The following TRMT11 variants were observed in gnomAD, a reference collection of about 807,000 sequenced individuals.
TRMT11 encodes the protein tRNA (guanine(10)-N(2))-methyltransferase TRMT11.
In TRMT11, 53 loss-of-function variants were observed where a neutral mutation model predicts 62.8. The observed-to-expected ratio is 0.84, with a 90% CI of 0.68 to 1.06. The LOEUF (loss-of-function observed/expected upper bound fraction) is 1.06, where lower values mean the gene tolerates loss of function less well. Among genes scored for constraint, TRMT11 ranks in the 50% least tolerant of loss-of-function variants. The pLI is 0.00. For missense variants in TRMT11, 556 were observed against 553.4 expected, an observed-to-expected ratio of 1.00 and a Z score of -0.05; for synonymous variants, 188 against 190.3, an observed-to-expected ratio of 0.99 and a Z score of 0.10.
intron 17 of TRMT11, among the ~76,000 whole-genome samples, chr6:126,093,523 A>G (rs921523081): frequency 7.1e-6 from 1 of 141,138 alleles, no homozygotes; most frequent in Non-Finnish European, 1.5e-5. Flanking sequence ...AACTGGGGTG[A>G]TGCTGCTTCA....
chr6:126,050,849 T>C (rs1388848497), intron 16 of TRMT11, among the ~76,000 whole-genome samples: 1 of 152,196 alleles, frequency 6.6e-6, no homozygotes, highest in Non-Finnish European at 1.5e-5. Context: ...TATTCATTCA[T>C]TCAACAAATA....
chr6:126,087,640 C>G (rs927500481), intron 17 of TRMT11, among the ~76,000 whole-genome samples: 1 of 152,212 alleles, frequency 6.6e-6, no homozygotes, highest in African/African-American at 2.4e-5. Flanking sequence ...TCACGTGCCA[C>G]ACAGGCAATG....
intron 8 of TRMT11, chr6:126,008,676 A>G: frequency 2.9e-6 from 2 of 693,976 alleles, no homozygotes; most frequent in Non-Finnish European, 5.3e-6. Flanking sequence ...CATGAAGGTG[A>G]TGAGGATGAA....
the TRMT11 span, among the ~76,000 whole-genome samples, chr6:126,235,218 G>A: frequency 6.6e-6 from 1 of 152,120 alleles, no homozygotes; most frequent in African/African-American, 2.4e-5. Context: ...TGCTGGCAAG[G>A]TTATGGAGAA....
chr6:126,118,321 G>A (rs965773601), intron 21 of TRMT11, among the ~76,000 whole-genome samples: 12 of 151,978 alleles, frequency 7.9e-5, no homozygotes, highest in Non-Finnish European at 1.3e-4. Flanking sequence ...GTCATTCAGG[G>A]GATGTTGCCT....
Position 125,999,597 on chromosome 6 carries a change from T to A in TRMT11, c.663T>A (p.Asp221Glu). 6.2e-7 allele frequency: 1 copy of A among 1,610,660 alleles called. No homozygotes were observed. The highest frequency in any genetic ancestry group is 8.5e-7 in the Non-Finnish European group (1 of 1,178,254). ...GKVKENDIVF[D>E]PFVGTGGLLI... The stretch of plus-strand genomic sequence containing the variant: ...TGAAAGAAAATGATATTGTCTTTGA[T>A]CCATTTGTTGGAACAGGTATTTTTA... The change falls in exon 7 of 13, where the codon GAT (aspartate) becomes GAA (glutamate). Residue 221 changes from aspartate to glutamate, a missense_variant. Physicochemically the swap from Asp to Glu is conservative, Grantham distance 45. Coordinates refer to ENST00000334379, the MANE Select transcript of TRMT11 (RefSeq NM_001031712.3).
At chr6:126,227,223 A>G in the TRMT11 span, among the ~76,000 whole-genome samples, 2 of 152,380 alleles carry the variant, frequency 1.3e-5, no homozygotes, top group South Asian at 4.1e-4. Flanking sequence ...GGTCTGCAAC[A>G]GAGGCTTATA....
At chr6:126,268,868 G>A in the TRMT11 span, among the ~76,000 whole-genome samples, 2 of 152,014 alleles carry the variant, frequency 1.3e-5, no homozygotes, top group Non-Finnish European at 2.9e-5. Context: ...AAATATAGCA[G>A]AGAACATAGA....
chr6:126,207,774 C>T (rs189892326), downstream of TRMT11, among the ~76,000 whole-genome samples: 1 of 152,074 alleles, frequency 6.6e-6, no homozygotes, highest in African/African-American at 2.4e-5. Flanking sequence ...GCATGTGACA[C>T]CAAAAGGCTA....
chr6:126,228,845 G>A, the TRMT11 span, among the ~76,000 whole-genome samples: 5 of 152,284 alleles, frequency 3.3e-5, no homozygotes, highest in African/African-American at 7.2e-5. Context: ...TGGGTTTGCC[G>A]TAGTTACTGT....
intron 21 of TRMT11, among the ~76,000 whole-genome samples, chr6:126,134,362 A>T (rs1427764000): frequency 6.6e-6 from 1 of 151,954 alleles, no homozygotes; most frequent in Non-Finnish European, 1.5e-5. Flanking sequence ...CTTAAATCAG[A>T]TAAAATAGAG....
At chr6:126,032,771 T>C (rs920319230) in intron 12 of TRMT11, among the ~76,000 whole-genome samples, 9 of 152,194 alleles carry the variant, frequency 5.9e-5, no homozygotes, top group Non-Finnish European at 1.3e-4. Flanking sequence ...CTTGACTCTT[T>C]TGCTCACAAT....
chr6:126,241,745 T>C, the TRMT11 span, among the ~76,000 whole-genome samples: 20 of 152,204 alleles, frequency 1.3e-4, no homozygotes, highest in African/African-American at 4.3e-4. Context: ...AATACAACAA[T>C]GCTTCATACT....
At chr6:126,190,163 G>A (rs1037186744) in intron 1 of TRMT11, among the ~76,000 whole-genome samples, 4 of 151,988 alleles carry the variant, frequency 2.6e-5, no homozygotes, top group African/African-American at 4.8e-5. Flanking sequence ...TTCTAACTGC[G>A]TTTTTGTACC....
chr6:126,172,728 A>G (rs774643369), upstream of TRMT11, among the ~76,000 whole-genome samples: 2 of 152,144 alleles, frequency 1.3e-5, no homozygotes, highest in Admixed American at 1.3e-4. Flanking sequence ...TCATTCTTTC[A>G]TGGTTCTAGG....
intron 12 of TRMT11, among the ~76,000 whole-genome samples, chr6:126,022,717 CA>C (rs1392065433): frequency 6.6e-6 from 1 of 152,088 alleles, no homozygotes; most frequent in African/African-American, 2.4e-5. Flanking sequence ...AATCAGGCTC[CA>C]ATATCAGGGC....
intron 9 of TRMT11, 51 bp downstream of exon 9, chr6:126,011,468 A>T (rs1410728591): frequency 5.3e-6 from 8 of 1,505,050 alleles, no homozygotes; most frequent in Non-Finnish European, 7.3e-6. Context: ...TTGTAAAATC[A>T]TTTACATTTA....
intron 17 of TRMT11, among the ~76,000 whole-genome samples, chr6:126,069,351 A>G (rs1459136233): frequency 1.3e-5 from 2 of 152,252 alleles, no homozygotes; most frequent in East Asian, 3.8e-4. Context: ...ACAAATGTCT[A>G]TTGACTGTGC....
In TRMT11 at chr6:126,093,629, A is replaced by ATTTTTTTTTTTTTTTT. The variant is rs1199202335; in HGVS notation, c.*1438-19236_*1438-19235insTTTTTTTTTTTTTTTT. ...TATATATATATATATATATATATAT[A>ATTTTTTTTTTTTTTTT]TATTTTCCCCCAGTCCTGGAGGATC... On this transcript the variant is annotated intron_variant and NMD_transcript_variant, in intron 17 of 22. Coordinates refer to the TRMT11 transcript ENST00000648977. Among the ~76,000 whole-genome samples, 78 of 94,028 alleles carry ATTTTTTTTTTTTTTTT rather than the reference A, an allele frequency of 8.3e-4. 2 individuals carry two copies. The highest frequency in any genetic ancestry group is 3.5e-3 in the African/African-American group (77 of 21,818). The allele number at this position is 94,028 out of a possible 152,430, so 61.7% of individuals were successfully genotyped here. A position where few individuals can be genotyped will look rare whatever the true frequency, so the allele number is the denominator to read the frequency against.
Sources: allele counts gnomAD v4.1 joint callset (sites outside exome capture counted in the v4.1 genomes callset), GRCh38; gene constraint gnomAD v4.1.1; transcripts MANE v1.5; gene names NCBI Gene and HGNC (gene_info 2026-07-23, HGNC 2026-07-21).